ZNRF3: variants seen among roughly 807,000 people sequenced by gnomAD.
The protein encoded by ZNRF3 is zinc and ring finger 3, also known as E3 ubiquitin-protein ligase ZNRF3.
In ZNRF3, 23 loss-of-function variants were observed where a neutral mutation model predicts 72.5. The observed-to-expected ratio is 0.32, with a 90% CI of 0.23 to 0.45. The LOEUF is 0.45. Ranked by LOEUF, ZNRF3 falls within the 20% of genes least tolerant of loss-of-function variation. The pLI, the probability that ZNRF3 is intolerant of heterozygous loss-of-function variation, is 1.00. For missense variants in ZNRF3, 1,169 were observed against 1,272.1 expected, an observed-to-expected ratio of 0.92 and a Z score of 1.23; for synonymous variants, 610 against 545.3, an observed-to-expected ratio of 1.12 and a Z score of -1.65.
At chr22:28,911,763 C>T (rs1162675027) in intron 1 of ZNRF3, among the ~76,000 whole-genome samples, 1 of 151,930 alleles carries the variant, frequency 6.6e-6, no homozygotes, top group Non-Finnish European at 1.5e-5. Context: ...CGAGTCCTGC[C>T]CCTAACCCCT....
rs142103912 is a variant in ZNRF3 at position 28,955,080 on chromosome 22, G to A, written c.301-31996G>A. Among the ~76,000 whole-genome samples, 1,015 of 141,214 alleles carry A rather than the reference G, an allele frequency of 7.2e-3. 15 individuals carry two copies. Among genetic ancestry groups the A allele is most frequent in the African/African-American group, 0.023 (857 of 38,052 alleles). The allele number at this position is 141,214 out of a possible 152,430, so 92.6% of individuals were successfully genotyped here. On this transcript the variant is annotated intron_variant, in intron 1 of 8. Transcript: ENST00000544604. ...TTTTGAGACAAGGTCTTGTTCTGTC[G>A]CCCAGGCTGGAGTACAGTGGTGCAA...
At chr22:28,927,180 A>G (rs2034618234) in intron 1 of ZNRF3, among the ~76,000 whole-genome samples, 1 of 152,166 alleles carries the variant, frequency 6.6e-6, no homozygotes, top group African/African-American at 2.4e-5. Flanking sequence ...TTGGCTGAGT[A>G]GGGGCATTCC....
intron 1 of ZNRF3, among the ~76,000 whole-genome samples, chr22:28,958,877 C>A (rs190840989): frequency 6.6e-6 from 1 of 152,188 alleles, no homozygotes; most frequent in South Asian, 2.1e-4. Context: ...TTAGTCCTTG[C>A]GTCTTACAGC....
intron 2 of ZNRF3, among the ~76,000 whole-genome samples, chr22:29,023,744 C>T (rs868324779): frequency 4.6e-5 from 7 of 152,168 alleles, no homozygotes; most frequent in Admixed American, 3.3e-4. Flanking sequence ...GGTTTGTGGT[C>T]CCTCTTCTGG....
rs570974914 is a variant in ZNRF3 at position 28,944,093 on chromosome 22, T to A, written c.301-42983T>A. Among the ~76,000 whole-genome samples the A allele has an allele frequency of 1.1e-4, 17 of 152,184 alleles. No individual in the cohort carries two copies. The South Asian group carries it at 3.5e-3, about 32-fold the overall frequency. On this transcript the variant is annotated intron_variant, in intron 1 of 8. Transcript: ENST00000544604. Reference sequence around the variant, plus strand: ...AGTCTAAAATAAAATTAGCAATCATTTTTATAAAAAGATACAAGAAAATAG... The same window carrying A: ...AGTCTAAAATAAAATTAGCAATCATATTTATAAAAAGATACAAGAAAATAG...
At chr22:29,004,503 T>G (rs1386695888) in intron 2 of ZNRF3, among the ~76,000 whole-genome samples, 2 of 152,172 alleles carry the variant, frequency 1.3e-5, no homozygotes, top group African/African-American at 4.8e-5. Flanking sequence ...GCATCCCAAG[T>G]GTACCCGAAG....
chr22:29,048,636 G>A lies in ZNRF3; in HGVS notation c.1015+145G>A. 1.4e-6 allele frequency: 1 copy of A among 736,464 alleles called. No homozygotes were observed. The highest frequency in any genetic ancestry group is 1.7e-5 in the South Asian group (1 of 57,800). 45.6% of individuals were successfully genotyped at this position (736,464 alleles called of 1,614,324 possible). A position where few individuals can be genotyped will look rare whatever the true frequency, so the allele number is the denominator to read the frequency against. On this transcript the variant is annotated intron_variant, in intron 7 of 8. Coordinates refer to ENST00000544604, the MANE Select transcript of ZNRF3 (RefSeq NM_001206998.2). This position sits in a 1 kb window ranked among gnomAD's most constrained non-coding sequence, Gnocchi z 4.9. ...CTGGCAGCCCTGGGTTTTGGAGGTT[G>A]TCTGCACGACCCTTAGGAGAGCTTG...
intron 2 of ZNRF3, among the ~76,000 whole-genome samples, chr22:29,004,899 G>A (rs1020679867): frequency 6.6e-6 from 1 of 152,232 alleles, no homozygotes; most frequent in African/African-American, 2.4e-5. Flanking sequence ...AAAGCTTCGG[G>A]AATGAAAAGG....
chr22:28,971,135 G>A (rs1217089421), intron 1 of ZNRF3, among the ~76,000 whole-genome samples: 1 of 152,164 alleles, frequency 6.6e-6, no homozygotes, highest in East Asian at 1.9e-4. Context: ...GCTGCAGTGA[G>A]CTATGATGGT....
intron 2 of ZNRF3, among the ~76,000 whole-genome samples, chr22:29,027,216 T>C (rs1393675704): frequency 6.6e-6 from 1 of 151,676 alleles, no homozygotes; most frequent in Admixed American, 6.6e-5. Context: ...CAGGAAGGAG[T>C]CTACCCCTCT....
In ZNRF3 at chr22:29,004,610, C is replaced by G. The variant is rs751672390; in HGVS notation, c.426+17409C>G. On this transcript the variant is annotated intron_variant, in intron 2 of 8. Transcript: ENST00000544604. ...AGCTAGTGGCATGTCTCCTTTCAAGCTGTGCTTTGTGTCTCTTCAACAGAA... is the reference window on the plus strand; with the variant it reads ...AGCTAGTGGCATGTCTCCTTTCAAGGTGTGCTTTGTGTCTCTTCAACAGAA... Among the ~76,000 whole-genome samples, 28 of 152,194 alleles carry G rather than the reference C, an allele frequency of 1.8e-4. 1 individual carries two copies. Among genetic ancestry groups the G allele is most frequent in the Non-Finnish European group, 5.9e-5 (4 of 68,028 alleles).
At chr22:28,988,385 G>A (rs1472875185) in intron 2 of ZNRF3, among the ~76,000 whole-genome samples, 1 of 152,156 alleles carries the variant, frequency 6.6e-6, no homozygotes, top group Non-Finnish European at 1.5e-5. Flanking sequence ...ACTTAAAGTA[G>A]CCCCTGCCAG....
At chr22:28,962,163 G>A (rs749654227) in intron 1 of ZNRF3, among the ~76,000 whole-genome samples, 21 of 152,282 alleles carry the variant, frequency 1.4e-4, no homozygotes, top group East Asian at 3.9e-4. Context: ...TGCATTTACC[G>A]CATCCCAACT....
At position 29,014,620 on chromosome 22, in the gene ZNRF3, GT is replaced by G. The variant is rs1481016518; in HGVS notation, c.426+27424del. 5.3e-5 allele frequency among the ~76,000 whole-genome samples: 8 copies of G among 152,218 alleles called. No homozygotes were observed. The South Asian group carries it at 6.2e-4, about 12-fold the overall frequency. On this transcript the variant is annotated intron_variant, in intron 2 of 8. Transcript: ENST00000544604. ...TAGCTCAGTGTAAAATACAGACTCT[GT>G]TTTTGGAATTCATTCATATGTTTAT...
At chr22:28,930,441 A>C (rs2034683660) in intron 1 of ZNRF3, among the ~76,000 whole-genome samples, 1 of 152,154 alleles carries the variant, frequency 6.6e-6, no homozygotes, top group Non-Finnish European at 1.5e-5. Context: ...TCTGAAATTC[A>C]TGGAAAGGGC....
At position 28,960,637 on chromosome 22, in the gene ZNRF3, G is replaced by T. The variant is rs543584356; in HGVS notation, c.301-26439G>T. ...TTTAAAAAGGGATAGTTGGGCAGCT[G>T]GTTGGAAGGAAATGGCAATGAGTTC... is the stretch of plus-strand genomic sequence containing the variant. On this transcript the variant is annotated intron_variant, in intron 1 of 8. Coordinates refer to ENST00000544604, the MANE Select transcript of ZNRF3 (RefSeq NM_001206998.2). 9.8e-5 allele frequency among the ~76,000 whole-genome samples: 15 copies of T among 152,302 alleles called. No homozygotes were observed. In the South Asian group the frequency reaches 2.9e-3, roughly 29 times the overall value.
At chr22:28,955,528 G>T (rs766891837) in intron 1 of ZNRF3, among the ~76,000 whole-genome samples, 2 of 152,174 alleles carry the variant, frequency 1.3e-5, no homozygotes, top group Non-Finnish European at 2.9e-5. Flanking sequence ...CATGAATGTG[G>T]TGTATAGTTT....
At position 28,897,182 on chromosome 22, in the gene ZNRF3, G is replaced by A. The variant is rs377491889; in HGVS notation, c.300+13116G>A. ...TCAAAATCTTTCGTGGCGTCCTGTTGCTTACTACTGAGCTGTGTGAAGAGG... is the reference window on the plus strand; with the variant it reads ...TCAAAATCTTTCGTGGCGTCCTGTTACTTACTACTGAGCTGTGTGAAGAGG... On this transcript the variant is annotated intron_variant, in intron 1 of 8. Coordinates refer to ENST00000544604, the MANE Select transcript of ZNRF3 (RefSeq NM_001206998.2). 4.6e-5 allele frequency among the ~76,000 whole-genome samples: 7 copies of A among 152,298 alleles called. No homozygotes were observed. In the East Asian group the frequency reaches 1.4e-3, roughly 29 times the overall value.
chr22:29,054,582 CT>C lies in ZNRF3; in HGVS notation c.*961del, dbSNP rs2037266127. ...CCTTTGCAAAAATATTTTGGGCCCC[CT>C]GCCACTGGCTGCAGAAATGGCTCGA... On this transcript the variant is annotated 3_prime_UTR_variant, in exon 9 of 9. Transcript: ENST00000544604. 6.5e-6 allele frequency: 1 copy of C among 152,864 alleles called. No homozygotes were observed. The highest frequency in any genetic ancestry group is 1.5e-5 in the Non-Finnish European group (1 of 68,200). The allele number at this position is 152,864 out of a possible 1,614,324, so 9.5% of individuals were successfully genotyped here. A position where few individuals can be genotyped will look rare whatever the true frequency, so the allele number is the denominator to read the frequency against.
Sources: gnomAD v4.1 joint callset for allele counts (sites outside exome capture counted in the v4.1 genomes callset) on GRCh38, gnomAD v4.1.1 for gene constraint, Gnocchi (gnomAD v3.1) non-coding constraint, MANE v1.5 for transcripts, NCBI Gene and HGNC (gene_info 2026-07-23, HGNC 2026-07-21) for gene names.